The following OGFOD1 variants were observed in gnomAD, a reference collection of about 807,000 sequenced individuals.
OGFOD1 encodes 2-oxoglutarate and iron dependent oxygenase domain containing 1.
In OGFOD1, 54 loss-of-function variants were observed where a neutral mutation model predicts 67.7. The ratio of observed to expected loss-of-function variants is 0.80; its 90% CI spans 0.64 to 1.00. The LOEUF is 1.00. Ranked by LOEUF, OGFOD1 falls within the 50% of genes least tolerant of loss-of-function variation. The probability of loss-of-function intolerance (pLI) is 0.00; values close to 1 mark genes in which losing one functional copy is unlikely to be tolerated. For synonymous variants in OGFOD1, 221 were observed against 227.0 expected (o/e 0.97, Z 0.24); for missense variants, 606 against 646.7 (o/e 0.94, Z 0.68).
Position 56,467,279 on chromosome 16 carries a change from C to T in OGFOD1, c.772C>T (p.His258Tyr), listed in dbSNP as rs150186567. The T allele has an allele frequency of 6.6e-5, 107 of 1,614,020 alleles. No homozygotes were observed. Among genetic ancestry groups the T allele is most frequent in the Non-Finnish European group, 8.6e-5 (101 of 1,180,028 alleles). Residue 258 changes from histidine (H) to tyrosine (Y), a missense_variant, in exon 7 of 13, where the codon CAC becomes TAC. His to Tyr is a moderately conservative substitution (Grantham distance 83). Transcript: ENST00000566157. Reference protein sequence around the residue: ...YFEPPIPRSPHIPQDHEILYD... With the variant: ...YFEPPIPRSPYIPQDHEILYD... ...TGAACCCCCCATACCTCGGAGCCCT[C>T]ACATCCCACAAGATGTAAGAAGAAT...
intron 2 of OGFOD1, 105 bp downstream of exon 2, chr16:56,453,513 A>G: frequency 8.8e-7 from 1 of 1,136,868 alleles, no homozygotes; most frequent in East Asian, 2.4e-5. Flanking sequence ...TTTGCCTTGA[A>G]CAGTCCTTGC....
intron 2 of OGFOD1, among the ~76,000 whole-genome samples, chr16:56,454,358 TAG>T (rs1962443228): frequency 6.6e-6 from 1 of 151,786 alleles, no homozygotes; most frequent in African/African-American, 2.4e-5. Context: ...CAAAATAAAA[TAG>T]AGTTTTGAGT....
intron 1 of OGFOD1, 85 bp downstream of exon 1, chr16:56,451,851 G>C: frequency 6.7e-7 from 1 of 1,481,512 alleles, no homozygotes; most frequent in Non-Finnish European, 9.0e-7. Flanking sequence ...CCAGCCTTGG[G>C]CAGCGGGGCC....
At chr16:56,461,336 G>A (rs1480999526) in intron 3 of OGFOD1, among the ~76,000 whole-genome samples, 2 of 152,188 alleles carry the variant, frequency 1.3e-5, no homozygotes, top group Non-Finnish European at 2.9e-5. Flanking sequence ...GAACTCCCAT[G>A]GAAGTGCTGG....
At position 56,467,774 on chromosome 16, in the gene OGFOD1, TTTTCCA is replaced by T; in HGVS notation, c.787-130_787-125del. 3 of 667,316 alleles carry T rather than the reference TTTTCCA, an allele frequency of 4.5e-6. No individual in the cohort carries two copies. In the South Asian group the frequency reaches 5.0e-5, roughly 11 times the overall value. The allele number at this position is 667,316 out of a possible 1,614,324, so 41.3% of individuals were successfully genotyped here. The stretch of plus-strand genomic sequence containing the variant: ...TTGAGAGTGTCTTTCTCAAGCAGAG[TTTTCCA>T]GTACTTTAATAGGAGAAACTTATAA... On this transcript the variant is annotated intron_variant, in intron 7 of 12. Coordinates refer to ENST00000566157, the MANE Select transcript of OGFOD1 (RefSeq NM_018233.4).
Position 56,458,530 on chromosome 16 carries a change from T to C in OGFOD1, c.301-18T>C. 1 of 1,611,118 alleles carries C rather than the reference T, an allele frequency of 6.2e-7. No homozygotes were observed. The highest frequency in any genetic ancestry group is 2.2e-5 in the East Asian group (1 of 44,862). Reference sequence around the variant, plus strand: ...ATGTGAAGGAAATCCCTTTTTTTTCTCTATTTTCATGATCAAGTCTGATGA... The same window carrying C: ...ATGTGAAGGAAATCCCTTTTTTTTCCCTATTTTCATGATCAAGTCTGATGA... On this transcript the variant is annotated intron_variant, in intron 2 of 12. Transcript: ENST00000566157.
In OGFOD1 at chr16:56,470,099, G is replaced by C. The variant is rs139676909; in HGVS notation, c.980+17G>C. 7.2e-4 allele frequency: 1,156 copies of C among 1,607,878 alleles called. 7 individuals are homozygous for C. The African/African-American group carries it at 0.014, about 19-fold the overall frequency. ...TAACAAAAGGTAGAACCCGTCATCT[G>C]AGATATTTGCTTCTACATTCAGCAC... On this transcript the variant is annotated intron_variant, in intron 9 of 12. Transcript: ENST00000566157.
chr16:56,473,838 G>A (rs1453278204), intron 10 of OGFOD1, among the ~76,000 whole-genome samples: 3 of 150,716 alleles, frequency 2.0e-5, no homozygotes, highest in Non-Finnish European at 4.4e-5. Flanking sequence ...GTGGACTCTC[G>A]CTCTGTCACC....
rs1963132680 is a variant in OGFOD1 at position 56,470,794 on chromosome 16, A to G, written c.1285+3A>G. The G allele has an allele frequency of 1.3e-6, 2 of 1,581,768 alleles. No homozygotes were observed. Among genetic ancestry groups the G allele is most frequent in the African/African-American group, 1.4e-5 (1 of 73,532 alleles). ...AGAGGAAAATGAAACAAAGAAAGGT[A>G]AGCTGTTGTTAGGATTTGTCCTTAC... On this transcript the variant is annotated splice_donor_region_variant and intron_variant, in intron 10 of 12. Coordinates refer to ENST00000566157, the MANE Select transcript of OGFOD1 (RefSeq NM_018233.4).
rs1464216297 is a variant in OGFOD1 at position 56,466,865 on chromosome 16, T to C, written c.566-11T>C. 1 of 1,591,478 alleles carries C rather than the reference T, an allele frequency of 6.3e-7. No homozygotes were observed. Among genetic ancestry groups the C allele is most frequent in the Non-Finnish European group, 8.6e-7 (1 of 1,159,682 alleles). ...AATGATAATTTATTGATGTGTTCTT[T>C]CCTGGTGCAGAACACTTTCAGCCGA... is the stretch of plus-strand genomic sequence containing the variant. On this transcript the variant is annotated splice_polypyrimidine_tract_variant and intron_variant, in intron 5 of 12. Coordinates refer to ENST00000566157, the MANE Select transcript of OGFOD1 (RefSeq NM_018233.4).
Position 56,451,783 on chromosome 16 carries a change from A to G in OGFOD1, c.154+17A>G. 1 of 1,610,870 alleles carries G rather than the reference A, an allele frequency of 6.2e-7. No individual in the cohort carries two copies. Among genetic ancestry groups the G allele is most frequent in the East Asian group, 2.2e-5 (1 of 44,858 alleles). ...TCAGTCACGGTAACCGGGTGCTCTC[A>G]GGGAGGGGCCGCCACGCAGAGGTCT... On this transcript the variant is annotated intron_variant, in intron 1 of 12. Transcript: ENST00000566157.
At chr16:56,452,027 T>G (rs1466430275) in intron 1 of OGFOD1, 1 of 413,240 alleles carries the variant, frequency 2.4e-6, no homozygotes, top group African/African-American at 2.0e-5. Flanking sequence ...ATAGTTGCAT[T>G]CTGGAGTCAA....
intron 4 of OGFOD1, among the ~76,000 whole-genome samples, chr16:56,464,061 C>T (rs991327091): frequency 1.3e-5 from 2 of 152,156 alleles, no homozygotes; most frequent in African/African-American, 4.8e-5. Flanking sequence ...CAGCCTCCCT[C>T]AATCTAGAAC....
intron 4 of OGFOD1, among the ~76,000 whole-genome samples, chr16:56,463,898 C>A (rs2144002972): frequency 6.6e-6 from 1 of 152,246 alleles, no homozygotes; most frequent in South Asian, 2.1e-4. Flanking sequence ...TAATCATAAA[C>A]CATCAGAATC....
chr16:56,477,431 CA>C lies in OGFOD1; in HGVS notation c.*1228del, dbSNP rs1963534115. The C allele has an allele frequency of 6.6e-6, 1 of 152,196 alleles. No individual in the cohort carries two copies. Among genetic ancestry groups the C allele is most frequent in the African/African-American group, 2.4e-5 (1 of 41,440 alleles). The allele number at this position is 152,196 out of a possible 1,614,324, so 9.4% of individuals were successfully genotyped here. ...GCTTATTGCCATGTGTAGTCACTTC[CA>C]AGTGCCCACTGCCTTTCCATCCTGC... On this transcript the variant is annotated 3_prime_UTR_variant, in exon 13 of 13. Coordinates refer to ENST00000566157, the MANE Select transcript of OGFOD1 (RefSeq NM_018233.4).
chr16:56,463,319 T>C (rs546058388), intron 4 of OGFOD1, among the ~76,000 whole-genome samples: 10 of 151,722 alleles, frequency 6.6e-5, no homozygotes, highest in African/African-American at 2.4e-4. Flanking sequence ...AGAGGATGAC[T>C]TGGTGATACA....
chr16:56,464,555 T>G (rs1461690928), intron 4 of OGFOD1, among the ~76,000 whole-genome samples: 1 of 152,190 alleles, frequency 6.6e-6, no homozygotes. Context: ...TCTCCTGATT[T>G]ATTTATTCAT....
intron 4 of OGFOD1, among the ~76,000 whole-genome samples, chr16:56,465,077 G>C (rs1302238673): frequency 6.6e-6 from 1 of 150,888 alleles, no homozygotes; most frequent in African/African-American, 2.4e-5. Context: ...TTGGCTCACT[G>C]CAACCTCTGC....
At position 56,478,699 on chromosome 16, in the gene OGFOD1, C is replaced by T. The variant is rs999835782; in HGVS notation, c.*2494C>T. On this transcript the variant is annotated 3_prime_UTR_variant, in exon 13 of 13. Transcript: ENST00000566157. The stretch of plus-strand genomic sequence containing the variant: ...AAGCCAAATCTGAATCTTAGAATAC[C>T]TCACAAGTGTTAAAATGTGCTTTTT... 1.3e-5 allele frequency: 2 copies of T among 152,200 alleles called. No homozygotes were observed. The highest frequency in any genetic ancestry group is 4.1e-4 in the South Asian group (2 of 4,834). 9.4% of individuals were successfully genotyped at this position (152,200 alleles called of 1,614,324 possible).
Sources: gnomAD v4.1 joint callset for allele counts (sites outside exome capture counted in the v4.1 genomes callset) on GRCh38, gnomAD v4.1.1 for gene constraint, MANE v1.5 for transcripts, NCBI Gene and HGNC (gene_info 2026-07-23, HGNC 2026-07-21) for gene names.